Variants in DOP1B observed in about 807,000 individuals in gnomAD.
The protein encoded by DOP1B is DOP1 leucine zipper like protein B.
In DOP1B, 174 loss-of-function variants were observed where a neutral mutation model predicts 233.5. The observed-to-expected ratio is 0.75, with a 90% CI of 0.66 to 0.85. DOP1B has a LOEUF of 0.85. Among genes scored for constraint, DOP1B ranks in the 40% least tolerant of loss-of-function variants. The pLI is 0.00. For synonymous variants in DOP1B, 1,190 were observed against 1,185.6 expected (o/e 1.00, Z -0.08); for missense variants, 2,652 against 2,846.6 (o/e 0.93, Z 1.56).
intron 20 of DOP1B, 86 bp from the exon 21 acceptor site, chr21:36,248,294 C>A: frequency 6.9e-7 from 1 of 1,439,114 alleles, no homozygotes; most frequent in Non-Finnish European, 9.5e-7. Flanking sequence ...CAGCCCAGAC[C>A]TAATCCCGCT....
intron 2 of DOP1B, among the ~76,000 whole-genome samples, chr21:36,167,033 T>TCGC: frequency 6.6e-6 from 1 of 152,216 alleles, no homozygotes; most frequent in East Asian, 1.9e-4. Flanking sequence ...CAGATTGCAT[T>TCGC]CGCAGACTTG....
At chr21:36,249,462 T>G (rs957537369) in intron 21 of DOP1B, among the ~76,000 whole-genome samples, 3 of 152,210 alleles carry the variant, frequency 2.0e-5, no homozygotes, top group Middle Eastern at 3.4e-3. Context: ...AAAGCGGGGA[T>G]ACCTAGATCC....
chr21:36,169,534 C>T, intron 2 of DOP1B: 1 of 1,119,340 alleles, frequency 8.9e-7, no homozygotes, highest in African/African-American at 1.5e-5. Context: ...TGATGTCGAT[C>T]ATCTCGTCCA....
chr21:36,200,378 CG>C lies in DOP1B; in HGVS notation c.370del (p.Val124CysfsTer47). On this transcript the variant is annotated frameshift_variant, in exon 4 of 37. Transcript: ENST00000691173. LOFTEE classifies it high-confidence loss of function. ...GCACACGCGGCGGTGTCGGTGAGGC[CG>C]GTGCTGCTCACCCTGTACGAGAAGT... ...LLAHAAVSVRPVLLTLYEKYF... is the reference protein window; with the variant it reads ...LLAHAAVSVRXVLLTLYEKYF... 6.2e-7 allele frequency: 1 copy of C among 1,612,892 alleles called. No homozygotes were observed. Among genetic ancestry groups the C allele is most frequent in the Non-Finnish European group, 8.5e-7 (1 of 1,179,706 alleles).
intron 4 of DOP1B, among the ~76,000 whole-genome samples, chr21:36,206,406 G>A (rs1483879442): frequency 6.6e-6 from 1 of 151,786 alleles, no homozygotes; most frequent in African/African-American, 2.4e-5. Context: ...CAGCATGGGT[G>A]TGTAGTCCCA....
chr21:36,259,186 C>T (rs926831184), intron 23 of DOP1B, among the ~76,000 whole-genome samples: 6 of 151,786 alleles, frequency 4.0e-5, no homozygotes, highest in African/African-American at 1.5e-4. Flanking sequence ...AGGATGGTCT[C>T]GATCTCCTGA....
intron 2 of DOP1B, among the ~76,000 whole-genome samples, chr21:36,165,996 C>T (rs2065907927): frequency 6.6e-6 from 1 of 151,514 alleles, no homozygotes; most frequent in South Asian, 2.1e-4. Flanking sequence ...GGGTCACAGG[C>T]GTGAGCCACC....
Position 36,293,517 on chromosome 21 carries a change from A to T in DOP1B, c.6843A>T (p.Leu2281Phe), listed in dbSNP as rs758288400. ...CTGTCACAGATAGCCCAAGGATCTTAAAACAACTGGAAGAATGCATCGAAT... is the reference window on the plus strand; with the variant it reads ...CTGTCACAGATAGCCCAAGGATCTTTAAACAACTGGAAGAATGCATCGAAT... ...DFPVTDSPRI[L>F]KQLEECIEYD... is the part of the protein sequence containing the mutation. The change falls in exon 37 of 37, where the codon TTA becomes TTT. Residue 2281 changes from leucine to phenylalanine, a missense_variant. Leu to Phe is a conservative substitution (Grantham distance 22, BLOSUM62 0). Coordinates refer to ENST00000691173, the MANE Select transcript of DOP1B (RefSeq NM_001320714.2). 5 of 1,614,184 alleles carry T rather than the reference A, an allele frequency of 3.1e-6. No individual in the cohort carries two copies. In the South Asian group the frequency reaches 5.5e-5, roughly 18 times the overall value.
chr21:36,181,468 G>A (rs12481851), intron 2 of DOP1B, among the ~76,000 whole-genome samples: 35,397 of 151,692 alleles, frequency 0.23, 4,411 homozygotes, highest in African/African-American at 0.34. Context: ...TAGTAGAGAC[G>A]GGGTTTCACC....
intron 5 of DOP1B, among the ~76,000 whole-genome samples, chr21:36,210,576 C>T (rs1042097605): frequency 3.3e-5 from 5 of 152,066 alleles, no homozygotes; most frequent in African/African-American, 4.8e-5. Flanking sequence ...ACCTGGGAGG[C>T]GGGGGTTGCA....
chr21:36,279,354 G>A (rs1362005172), intron 30 of DOP1B, among the ~76,000 whole-genome samples: 1 of 151,990 alleles, frequency 6.6e-6, no homozygotes, highest in Non-Finnish European at 1.5e-5. Context: ...GGAGGTTGAG[G>A]CTGCAGTGAG....
intron 26 of DOP1B, among the ~76,000 whole-genome samples, chr21:36,265,321 G>A (rs1373196118): frequency 6.7e-6 from 1 of 149,974 alleles, no homozygotes; most frequent in Non-Finnish European, 1.5e-5. Flanking sequence ...GCTTGAACCT[G>A]GGAGGCAGAG....
chr21:36,169,101 C>T, intron 2 of DOP1B: 1 of 866,108 alleles, frequency 1.2e-6, no homozygotes, highest in East Asian at 2.4e-5. Context: ...TCAGTCTTCT[C>T]CAGAGCCCAT....
intron 1 of DOP1B, among the ~76,000 whole-genome samples, chr21:36,157,916 G>A (rs2065834099): frequency 6.6e-6 from 1 of 151,970 alleles, no homozygotes; most frequent in Non-Finnish European, 1.5e-5. Context: ...TTTGGGATCT[G>A]GCAGTTGGTT....
chr21:36,170,091 C>G (rs4817785), intron 2 of DOP1B: 219,421 of 636,310 alleles, frequency 0.34, 39,085 homozygotes, highest in South Asian at 0.47. Flanking sequence ...TAGGGAAGCT[C>G]TTCACCTTCC....
rs147639651 is a variant in DOP1B at position 36,171,468 on chromosome 21, G to A, written c.138+6597G>A. ...AAACAGCATCTTTACAGAGCTAATC[G>A]AGCTAGAGGAGGTCATTAGGGGGTG... On this transcript the variant is annotated intron_variant, in intron 2 of 36. Coordinates refer to ENST00000691173, the MANE Select transcript of DOP1B (RefSeq NM_001320714.2). Among the ~76,000 whole-genome samples, 93 of 152,238 alleles carry A rather than the reference G, an allele frequency of 6.1e-4. 1 individual carries two copies. Among genetic ancestry groups the A allele is most frequent in the African/African-American group, 2.2e-3 (90 of 41,540 alleles).
At position 36,164,757 on chromosome 21, in the gene DOP1B, C is replaced by G. The variant is rs963598812; in HGVS notation, c.24C>G (p.Leu8=). The G allele has an allele frequency of 1.2e-5, 20 of 1,605,544 alleles. No homozygotes were observed. The highest frequency in any genetic ancestry group is 1.6e-5 in the Non-Finnish European group (19 of 1,177,146). The part of the protein sequence containing the change: MDPEEQE[L]LNDYRYRSYS... Reference sequence around the variant, plus strand: ...AGATGGATCCAGAAGAGCAGGAGCTCTTAAATGATTACAGATACAGAAGCT... The same window carrying G: ...AGATGGATCCAGAAGAGCAGGAGCTGTTAAATGATTACAGATACAGAAGCT... The change falls in exon 2 of 37, where the codon CTC becomes CTG. Residue 8 remains leucine (L), a synonymous_variant. Coordinates refer to ENST00000691173, the MANE Select transcript of DOP1B (RefSeq NM_001320714.2).
intron 23 of DOP1B, among the ~76,000 whole-genome samples, chr21:36,260,037 G>A (rs982317330): frequency 6.6e-6 from 1 of 151,830 alleles, no homozygotes; most frequent in Non-Finnish European, 1.5e-5. Context: ...GCCGGGTGCG[G>A]TGGTTCTACT....
chr21:36,213,606 C>A (rs2066525298), intron 7 of DOP1B, among the ~76,000 whole-genome samples: 1 of 151,658 alleles, frequency 6.6e-6, no homozygotes, highest in Non-Finnish European at 1.5e-5. Context: ...GCCTGGCCAA[C>A]ATGCTGAAAC....
Sources: allele counts gnomAD v4.1 joint callset (sites outside exome capture counted in the v4.1 genomes callset), GRCh38; gene constraint gnomAD v4.1.1; transcripts MANE v1.5; gene names NCBI Gene and HGNC (gene_info 2026-07-23, HGNC 2026-07-21).